Variants in NAPRT observed in about 807,000 individuals in gnomAD.
NAPRT encodes the protein FHA-HIT-interacting protein.
Under a neutral mutation model 60.7 loss-of-function variants are expected in NAPRT, and 66 were observed. That is an observed-to-expected ratio of 1.09 (90% CI 0.89 to 1.33). The LOEUF is 1.33. Ranked by LOEUF, NAPRT falls within the 40% of genes most tolerant of loss-of-function variation. NAPRT has a pLI of 0.00. For missense variants in NAPRT, 818 were observed against 731.5 expected (o/e 1.12, Z -1.36); for synonymous variants, 405 against 335.7 (o/e 1.21, Z -2.26).
Position 143,577,267 on chromosome 8 carries a change from A to C in NAPRT, c.568+2T>G. On this transcript the variant is annotated splice_donor_variant, in intron 4 of 12. Coordinates refer to ENST00000449291, the MANE Select transcript of NAPRT (RefSeq NM_145201.6). LOFTEE classifies it high-confidence loss of function. ...TTGCCTTGCCCCGCACCAGACACTCACCGCCCAGGTAGCTGTAGGTGGAGG... is the reference window on the plus strand; with the variant it reads ...TTGCCTTGCCCCGCACCAGACACTCCCCGCCCAGGTAGCTGTAGGTGGAGG... The C allele has an allele frequency of 1.2e-6, 2 of 1,608,668 alleles. No homozygotes were observed. Among genetic ancestry groups the C allele is most frequent in the East Asian group, 2.2e-5 (1 of 44,646 alleles).
rs772973921 is a variant in NAPRT at position 143,576,714 on chromosome 8, G to A, written c.813C>T (p.Ala271=). 1.2e-6 allele frequency: 2 copies of A among 1,610,162 alleles called. No individual in the cohort carries two copies. The highest frequency in any genetic ancestry group is 1.1e-5 in the South Asian group (1 of 90,828). The change falls in exon 6 of 13, where the codon GCC becomes GCT. Residue 271 remains alanine (A), a synonymous_variant. Coordinates refer to ENST00000449291, the MANE Select transcript of NAPRT (RefSeq NM_145201.6). ...GAAAAGCCAAGGCATAGGCCACAAA[G>A]GCTGCCCGCTCGCCTGGATGCGGCT... is the stretch of plus-strand genomic sequence containing the variant. ...VQEPHPGERA[A]FVAYALAFPR... is the part of the protein sequence containing the mutation.
Position 143,575,246 on chromosome 8 carries a change from G to A in NAPRT, c.1391C>T (p.Thr464Ile). ...VWPPGAQEPCTVRPAQVEPLL... is the reference protein window; with the variant it reads ...VWPPGAQEPCIVRPAQVEPLL... The stretch of plus-strand genomic sequence containing the variant: ...TGGCTCCACCTGGGCTGGCCTCACG[G>A]TGCAGGGCTCCTGGGCCCCTGGAGG... The change falls in exon 11 of 13, where the codon ACC (threonine) becomes ATC (isoleucine). Residue 464 changes from threonine to isoleucine, a missense_variant. Physicochemically the swap from Thr to Ile is moderately conservative, Grantham distance 89. Coordinates refer to ENST00000449291, the MANE Select transcript of NAPRT (RefSeq NM_145201.6). 2 of 1,612,584 alleles carry A rather than the reference G, an allele frequency of 1.2e-6. No individual in the cohort carries two copies. The highest frequency in any genetic ancestry group is 1.7e-6 in the Non-Finnish European group (2 of 1,179,946).
intron 3 of NAPRT, 56 bp downstream of exon 3, chr8:143,577,601 C>A (rs957796116): frequency 1.3e-6 from 2 of 1,524,810 alleles, no homozygotes; most frequent in African/African-American, 1.4e-5. Flanking sequence ...GCACGGAGCC[C>A]CGGCGCTGGG....
Position 143,577,076 on chromosome 8 carries a change from C to A in NAPRT, c.670G>T (p.Val224Leu). Residue 224 changes from valine (V) to leucine (L), a missense_variant, in exon 5 of 13, where the codon GTG becomes TTG. Physicochemically the swap from Val to Leu is conservative, Grantham distance 32. Coordinates refer to ENST00000449291, the MANE Select transcript of NAPRT (RefSeq NM_145201.6). ...SFVTSFSGSE[V>L]PPDPMLAPAA... The stretch of plus-strand genomic sequence containing the variant: ...GAGGGACTGACCGGGTCAGGGGGCA[C>A]CTCGCTGCCTGAAAAGGAAGTGACG... 1 of 1,612,912 alleles carries A rather than the reference C, an allele frequency of 6.2e-7. No homozygotes were observed. Among genetic ancestry groups the A allele is most frequent in the Non-Finnish European group, 8.5e-7 (1 of 1,179,870 alleles).
rs1467084917 is a variant in NAPRT, at chr8:143,575,034, G to C, written c.1506C>G (p.Ser502Arg). The stretch of plus-strand genomic sequence containing the variant: ...GCCGCCTGTGCTCAGGGCTGAGTCG[G>C]CTCAGGGACAGCTGGGCCAAGGCTC... ...ESRALAQLSLSRLSPEHRRLR... is the reference protein window; with the variant it reads ...ESRALAQLSLRRLSPEHRRLR... The change falls in exon 12 of 13, where the codon AGC (serine) becomes AGG (arginine). Residue 502 changes from serine (S) to arginine (R), a missense_variant. Ser to Arg is a moderately radical substitution (Grantham distance 110, BLOSUM62 -1). Transcript: ENST00000449291. 6.6e-7 allele frequency: 1 copy of C among 1,509,300 alleles called. No individual in the cohort carries two copies. Among genetic ancestry groups the C allele is most frequent in the Non-Finnish European group, 8.9e-7 (1 of 1,124,100 alleles). 93.5% of individuals were successfully genotyped at this position (1,509,300 alleles called of 1,614,324 possible). A position where few individuals can be genotyped will look rare whatever the true frequency, so the allele number is the denominator to read the frequency against.
At position 143,574,976 on chromosome 8, in the gene NAPRT, T is replaced by TC. The variant is rs1203127720; in HGVS notation, c.1554+9dup. 1 of 1,543,754 alleles carries TC rather than the reference T, an allele frequency of 6.5e-7. No homozygotes were observed. The highest frequency in any genetic ancestry group is 1.2e-5 in the South Asian group (1 of 83,228). ...ACAGGGCAGAATGACAGGGTGGGCC[T>TC]CCCCCCAACCTGGTACTGTGCAGGG... On this transcript the variant is annotated intron_variant, in intron 12 of 12. Coordinates refer to ENST00000449291, the MANE Select transcript of NAPRT (RefSeq NM_145201.6).
downstream of NAPRT, chr8:143,574,629 A>G (rs1246267873): frequency 1.2e-5 from 8 of 659,342 alleles, no homozygotes; most frequent in Non-Finnish European, 1.9e-5. Flanking sequence ...GCTTCAGCAC[A>G]GGGCTGTCTC....
chr8:143,577,677 G>T lies in NAPRT; in HGVS notation c.417C>A (p.Leu139=). 6.5e-7 allele frequency: 1 copy of T among 1,540,244 alleles called. No individual in the cohort carries two copies. ...CCCACCTGGCGTAGCTGACCAGGCA[G>T]AGCAGCGGTGTCTCCAGCAGCTGCA... ...LVVQLLETPL[L]CLVSYASLVA... Residue 139 remains leucine (L), a synonymous_variant, in exon 3 of 13, where the codon CTC becomes CTA. Transcript: ENST00000449291.
In NAPRT at chr8:143,576,840, C is replaced by T; in HGVS notation, c.687G>A (p.Met229Ile). 1.3e-6 allele frequency: 2 copies of T among 1,597,552 alleles called. No homozygotes were observed. The highest frequency in any genetic ancestry group is 1.1e-5 in the South Asian group (1 of 90,132). Residue 229 changes from methionine to isoleucine, a missense_variant and splice_region_variant, in exon 6 of 13, where the codon ATG becomes ATA. By Grantham distance (10) the Met-to-Ile change is conservative. Transcript: ENST00000449291. ...GGCCCTCACCAGCTGCTGGCGCCAA[C>T]ATCTGTGGAACAGAGTCGGTGAAGA... ...FSGSEVPPDP[M>I]LAPAAGEGPG...
chr8:143,577,251 C>T lies in NAPRT; in HGVS notation c.568+18G>A. On this transcript the variant is annotated intron_variant, in intron 4 of 12. Coordinates refer to ENST00000449291, the MANE Select transcript of NAPRT (RefSeq NM_145201.6). ...TCCTCCTTCCCGGCCCTTGCCTTGC[C>T]CCGCACCAGACACTCACCGCCCAGG... 6.2e-7 allele frequency: 1 copy of T among 1,607,930 alleles called. No individual in the cohort carries two copies. The highest frequency in any genetic ancestry group is 1.1e-5 in the South Asian group (1 of 90,632).
downstream of NAPRT, chr8:143,574,777 G>T: frequency 6.5e-7 from 1 of 1,542,590 alleles, no homozygotes. Context: ...AAACAACACA[G>T]GACAAGCTGT....
downstream of NAPRT, among the ~76,000 whole-genome samples, chr8:143,574,288 G>A (rs923118889): frequency 1.3e-5 from 2 of 152,248 alleles, no homozygotes; most frequent in East Asian, 3.8e-4. Context: ...AGATGCCAGG[G>A]TGGTGCTGGG....
Position 143,576,158 on chromosome 8 carries a change from G to A in NAPRT, c.1027C>T (p.Gln343Ter). The change falls in exon 8 of 13, where the codon CAG becomes TAG. Residue 343 changes from glutamine to a stop codon, truncating the protein, a stop_gained. Transcript: ENST00000449291. LOFTEE classifies it high-confidence loss of function. ...AGGACTGACTCCAGCCAGGGCACCT[G>A]GAACCTGCCGCGTGGGTGGAGAAAG... ...KVFRAAAAQF[Q>*]VPWLESVLIV... 1 of 1,596,064 alleles carries A rather than the reference G, an allele frequency of 6.3e-7. No homozygotes were observed. Among genetic ancestry groups the A allele is most frequent in the Non-Finnish European group, 8.6e-7 (1 of 1,169,422 alleles).
chr8:143,577,602 C>T (rs1013988393), intron 3 of NAPRT, 55 bp downstream of exon 3: 3 of 1,527,472 alleles, frequency 2.0e-6, no homozygotes, highest in Non-Finnish European at 1.8e-6. Flanking sequence ...CACGGAGCCC[C>T]GGCGCTGGGG....
chr8:143,575,651 G>A lies in NAPRT; in HGVS notation c.1159C>T (p.Gln387Ter), dbSNP rs757949301. ...TAGACGCCACCCAGGGAAGGCTGTT[G>A]GGGGCAGGTGACCACACTGGTGCCA... ...GIGTSVVTCP[Q>*]QPSLGGVYKL... The change falls in exon 9 of 13, where the codon CAA becomes TAA. Residue 387 changes from glutamine (Q) to a stop codon, truncating the protein, a stop_gained. Transcript: ENST00000449291. LOFTEE classifies it high-confidence loss of function. 5.6e-6 allele frequency: 9 copies of A among 1,595,738 alleles called. No homozygotes were observed. In the African/African-American group the frequency reaches 1.1e-4, roughly 19 times the overall value.
At position 143,575,107 on chromosome 8, in the gene NAPRT, G is replaced by C. The variant is rs945518537; in HGVS notation, c.1447-14C>G. Reference sequence around the variant, plus strand: ...CGGCTCACACAGCTGCAGGGAGGAGGTAAGGAAAGAGAAGCTTGGGGCTAG... The same window carrying C: ...CGGCTCACACAGCTGCAGGGAGGAGCTAAGGAAAGAGAAGCTTGGGGCTAG... On this transcript the variant is annotated splice_polypyrimidine_tract_variant and intron_variant, in intron 11 of 12. Transcript: ENST00000449291. 1 of 1,538,912 alleles carries C rather than the reference G, an allele frequency of 6.5e-7. No individual in the cohort carries two copies. The highest frequency in any genetic ancestry group is 1.4e-5 in the African/African-American group (1 of 73,028).
downstream of NAPRT, chr8:143,573,502 G>A (rs1428127924): frequency 1.3e-5 from 2 of 152,136 alleles, no homozygotes; most frequent in Admixed American, 6.5e-5. Flanking sequence ...CTGGAAGTGC[G>A]TGGCACCGCC....
chr8:143,574,516 G>T, downstream of NAPRT: 1 of 539,570 alleles, frequency 1.9e-6, no homozygotes, highest in Non-Finnish European at 3.3e-6. Flanking sequence ...TCAACTCCAA[G>T]GCAGACACCA....
chr8:143,575,289 G>C lies in NAPRT; in HGVS notation c.1348C>G (p.Gln450Glu). Residue 450 changes from glutamine (Q) to glutamate (E), a missense_variant, in exon 11 of 13, where the codon CAG becomes GAG. By Grantham distance (29) the Gln-to-Glu change is conservative. Transcript: ENST00000449291. ...CCTGGAGGCCACACCCTCAGCTCCT[G>C]CCCAGCCTGTGGCACTGGCTCTTCT... The part of the protein sequence containing the change: ...LAEEPVPQAG[Q>E]ELRVWPPGAQ... 6.2e-7 allele frequency: 1 copy of C among 1,612,570 alleles called. No homozygotes were observed. The highest frequency in any genetic ancestry group is 8.5e-7 in the Non-Finnish European group (1 of 1,179,938).
Sources: gnomAD v4.1 joint callset for allele counts (sites outside exome capture counted in the v4.1 genomes callset) on GRCh38, gnomAD v4.1.1 for gene constraint, MANE v1.5 for transcripts, NCBI Gene and HGNC (gene_info 2026-07-23, HGNC 2026-07-21) for gene names.